The following CFAP77 variants were observed in gnomAD, a reference collection of about 807,000 sequenced individuals.
CFAP77 encodes the protein cilia and flagella associated protein 77.
In CFAP77, 25 loss-of-function variants were observed where a neutral mutation model predicts 31.1. That is an observed-to-expected ratio of 0.80 (90% CI 0.59 to 1.12). The LOEUF (loss-of-function observed/expected upper bound fraction) is 1.12. Among genes scored for constraint, CFAP77 ranks in the 50% most tolerant of loss-of-function variants. CFAP77 has a pLI of 0.00. For missense variants in CFAP77, 377 were observed against 397.3 expected (o/e 0.95, Z 0.44); for synonymous variants, 151 against 159.9 (o/e 0.94, Z 0.42).
At chr9:132,459,205 G>A (rs1002394438) in intron 1 of CFAP77, among the ~76,000 whole-genome samples, 2 of 151,876 alleles carry the variant, frequency 1.3e-5, no homozygotes, top group Admixed American at 1.3e-4. Context: ...CCGAGTAGCT[G>A]GGACTACAGG....
intron 1 of CFAP77, among the ~76,000 whole-genome samples, chr9:132,464,684 G>A (rs1034381143): frequency 6.6e-6 from 1 of 152,138 alleles, no homozygotes; most frequent in African/African-American, 2.4e-5. Context: ...TACACTCACT[G>A]CACATCTCGA....
At chr9:132,570,740 C>T (rs747796186) in intron 5 of CFAP77, among the ~76,000 whole-genome samples, 61 of 152,180 alleles carry the variant, frequency 4.0e-4, no homozygotes, top group Non-Finnish European at 6.6e-4. Context: ...TTTCTAACAA[C>T]GCTCCACAGC....
chr9:132,506,107 C>T (rs927622242), intron 3 of CFAP77, among the ~76,000 whole-genome samples: 1 of 152,246 alleles, frequency 6.6e-6, no homozygotes, highest in Middle Eastern at 3.2e-3. Flanking sequence ...TCCAGTCTGG[C>T]AGCTGGCTTT....
chr9:132,486,090 ATTTTT>A (rs1178281920), intron 1 of CFAP77, among the ~76,000 whole-genome samples: 4 of 15,356 alleles, frequency 2.6e-4, no homozygotes, highest in African/African-American at 1.7e-3. Flanking sequence ...ATATATATAT[ATTTTT>A]TTTTTTTTTT....
At chr9:132,428,403 C>G (rs1000722948) in intron 1 of CFAP77, among the ~76,000 whole-genome samples, 9 of 152,028 alleles carry the variant, frequency 5.9e-5, no homozygotes, top group African/African-American at 2.2e-4. Context: ...GGCGGGAGGT[C>G]AGGAGTTCCA....
At chr9:132,536,315 G>A (rs761829010) in intron 3 of CFAP77, among the ~76,000 whole-genome samples, 5 of 151,870 alleles carry the variant, frequency 3.3e-5, no homozygotes, top group Non-Finnish European at 7.4e-5. Flanking sequence ...GGCATAGCAG[G>A]TGGCTTCCTG....
chr9:132,515,032 C>T (rs993768186), intron 3 of CFAP77, among the ~76,000 whole-genome samples: 6 of 152,072 alleles, frequency 3.9e-5, no homozygotes, highest in African/African-American at 1.2e-4. Flanking sequence ...GTCCCCTGCC[C>T]GGGAAAGGCT....
At chr9:132,472,183 C>A (rs1851271706) in intron 1 of CFAP77, among the ~76,000 whole-genome samples, 2 of 152,166 alleles carry the variant, frequency 1.3e-5, no homozygotes, top group Admixed American at 1.3e-4. Flanking sequence ...TTGTGTCTCT[C>A]ACTTCAATAT....
intron 1 of CFAP77, among the ~76,000 whole-genome samples, chr9:132,436,471 C>T (rs1017040561): frequency 2.6e-5 from 4 of 152,200 alleles, no homozygotes; most frequent in Non-Finnish European, 5.9e-5. Flanking sequence ...ATACCTTTTG[C>T]AACCCACTAT....
In CFAP77 at chr9:132,572,539, T is replaced by C. The variant is rs2119118036; in HGVS notation, c.*29T>C. On this transcript the variant is annotated 3_prime_UTR_variant, in exon 6 of 6. Transcript: ENST00000393216. ...CTCCCTCCCCTGCCACAAGAAGCCA[T>C]CTTGACATAGTGGAAAATTCCCAGA... 1 of 1,206,890 alleles carries C rather than the reference T, an allele frequency of 8.3e-7. No individual in the cohort carries two copies. Among genetic ancestry groups the C allele is most frequent in the African/African-American group, 1.6e-5 (1 of 62,814 alleles). 74.8% of individuals were successfully genotyped at this position (1,206,890 alleles called of 1,614,324 possible).
At chr9:132,566,750 C>T (rs73659097) in intron 5 of CFAP77, among the ~76,000 whole-genome samples, 1,526 of 152,268 alleles carry the variant, frequency 0.01, 24 homozygotes, top group African/African-American at 0.033. Flanking sequence ...CTTTGGTTTT[C>T]GCCTCCAGAC....
At chr9:132,533,236 A>G (rs1417994242) in intron 3 of CFAP77, among the ~76,000 whole-genome samples, 1 of 152,188 alleles carries the variant, frequency 6.6e-6, no homozygotes, top group Non-Finnish European at 1.5e-5. Context: ...AAGACTCTTC[A>G]TGTTCCGGTC....
At chr9:132,438,537 A>ATTTTTT (rs1181262639) in intron 1 of CFAP77, among the ~76,000 whole-genome samples, 36 of 116,188 alleles carry the variant, frequency 3.1e-4, no homozygotes, top group Non-Finnish European at 4.3e-4. Flanking sequence ...ATATATATAT[A>ATTTTTT]TATATTTTTT....
rs546439338 is a variant in CFAP77 at position 132,564,906 on chromosome 9, C to T, written c.733-7482C>T. Among the ~76,000 whole-genome samples, 182 of 152,218 alleles carry T rather than the reference C, an allele frequency of 1.2e-3. 2 individuals are homozygous for T. The highest frequency in any genetic ancestry group is 4.3e-3 in the African/African-American group (180 of 41,530). On this transcript the variant is annotated intron_variant, in intron 5 of 5. Transcript: ENST00000393216. The surrounding 1 kb of genome is among the most constrained non-coding windows in gnomAD (Gnocchi z 4.6). ...GCTGAGGAAGGGGCCTGCTGTCTGG[C>T]GGCTGGTCTCAGCTCTGCCCAGGAC...
rs1357233754 is a variant in CFAP77, at chr9:132,564,168, C to T, written c.733-8220C>T. On this transcript the variant is annotated intron_variant, in intron 5 of 5. Transcript: ENST00000393216. This position sits in a 1 kb window ranked among gnomAD's most constrained non-coding sequence, Gnocchi z 4.6. The stretch of plus-strand genomic sequence containing the variant: ...TCAGGGACTAGCCCCATCTCTGATA[C>T]ACAATGGATGGTCAATAAATAAGCA... Among the ~76,000 whole-genome samples the T allele has an allele frequency of 1.3e-5, 2 of 152,160 alleles. No individual in the cohort carries two copies. The highest frequency in any genetic ancestry group is 2.9e-5 in the Non-Finnish European group (2 of 68,044).
rs963309863 is a variant in CFAP77, at chr9:132,499,028, C to T, written c.295+234C>T. Among the ~76,000 whole-genome samples, 6 of 143,946 alleles carry T rather than the reference C, an allele frequency of 4.2e-5. No individual in the cohort carries two copies. The highest frequency in any genetic ancestry group is 2.3e-4 in the South Asian group (1 of 4,424). 94.4% of individuals were successfully genotyped at this position (143,946 alleles called of 152,430 possible). Reference sequence around the variant, plus strand: ...GGAACTAGCATGGGTATCCCCGCACCGCCCCCCTTCCCCGCCGCCGGCAGG... The same window carrying T: ...GGAACTAGCATGGGTATCCCCGCACTGCCCCCCTTCCCCGCCGCCGGCAGG... On this transcript the variant is annotated intron_variant, in intron 2 of 5. Transcript: ENST00000393216. This position sits in a 1 kb window ranked among gnomAD's most constrained non-coding sequence, Gnocchi z 5.4.
rs1852876013 is a variant in CFAP77, at chr9:132,554,946, A to T, written c.732+11899A>T. Among the ~76,000 whole-genome samples, 1 of 84,966 alleles carries T rather than the reference A, an allele frequency of 1.2e-5. No individual in the cohort carries two copies. Among genetic ancestry groups the T allele is most frequent in the Non-Finnish European group, 2.3e-5 (1 of 43,848 alleles). The allele number at this position is 84,966 out of a possible 152,430, so 55.7% of individuals were successfully genotyped here. A position where few individuals can be genotyped will look rare whatever the true frequency, so the allele number is the denominator to read the frequency against. ...CATGCATCCATCCATCCACCCATCCATCCATCCATCCATCCATCCATCCAT... is the reference window on the plus strand; with the variant it reads ...CATGCATCCATCCATCCACCCATCCTTCCATCCATCCATCCATCCATCCAT... On this transcript the variant is annotated intron_variant, in intron 5 of 5. Coordinates refer to ENST00000393216, the MANE Select transcript of CFAP77 (RefSeq NM_001282957.2). This position sits in a 1 kb window ranked among gnomAD's most constrained non-coding sequence, Gnocchi z 4.1.
At chr9:132,466,948 C>T (rs573708954) in intron 1 of CFAP77, among the ~76,000 whole-genome samples, 10 of 152,236 alleles carry the variant, frequency 6.6e-5, no homozygotes, top group South Asian at 2.1e-4. Flanking sequence ...GAGGCCGAGG[C>T]GGGTGGATCA....
At chr9:132,530,114 GCC>G (rs1852413001) in intron 3 of CFAP77, among the ~76,000 whole-genome samples, 2 of 140,180 alleles carry the variant, frequency 1.4e-5, no homozygotes, top group Non-Finnish European at 1.5e-5. Flanking sequence ...CATGTCTTTT[GCC>G]TCTTTTCTTT....
Sources: allele counts gnomAD v4.1 joint callset (sites outside exome capture counted in the v4.1 genomes callset), GRCh38; gene constraint gnomAD v4.1.1; non-coding constraint Gnocchi (gnomAD v3.1); transcripts MANE v1.5; gene names NCBI Gene and HGNC (gene_info 2026-07-23, HGNC 2026-07-21).